The following SGCZ variants were observed in gnomAD, a reference collection of about 807,000 sequenced individuals.
The protein encoded by SGCZ is sarcoglycan zeta.
SGCZ carries 40 observed loss-of-function variants against 41.3 expected under a neutral mutation model. That is an observed-to-expected ratio of 0.97 (90% confidence interval 0.75 to 1.26). The LOEUF (loss-of-function observed/expected upper bound fraction) is 1.26. Ranked by LOEUF, SGCZ falls within the 50% of genes most tolerant of loss-of-function variation. The pLI, the probability that SGCZ is intolerant of heterozygous loss-of-function variation, is 0.00. For missense variants in SGCZ, 552 were observed against 369.8 expected, an observed-to-expected ratio of 1.49 and a Z score of -4.04; for synonymous variants, 206 against 137.5, an observed-to-expected ratio of 1.50 and a Z score of -3.49.
intron 2 of SGCZ, among the ~76,000 whole-genome samples, chr8:14,528,484 A>T (rs1414640834): frequency 6.6e-6 from 1 of 152,098 alleles, no homozygotes; most frequent in Non-Finnish European, 1.5e-5. Flanking sequence ...TACCAAATAA[A>T]TGCCATAAAA....
chr8:14,337,551 T>A (rs913149269), intron 2 of SGCZ, among the ~76,000 whole-genome samples: 45 of 152,166 alleles, frequency 3.0e-4, no homozygotes, highest in African/African-American at 1.1e-3. Context: ...GGAAAAGTGA[T>A]GACCCAGTTA....
At chr8:14,146,955 GA>G (rs75899034) in intron 5 of SGCZ, among the ~76,000 whole-genome samples, 48,396 of 146,332 alleles carry the variant, frequency 0.33, 10,154 homozygotes, top group Non-Finnish European at 0.47. Context: ...GGAATAAACA[GA>G]AAAAAAAAAC....
intron 1 of SGCZ, among the ~76,000 whole-genome samples, chr8:14,666,510 G>C (rs150646175): frequency 6.6e-6 from 1 of 152,076 alleles, no homozygotes; most frequent in Non-Finnish European, 1.5e-5. Context: ...GCCTGTAAAA[G>C]CAAATCACAA....
intron 3 of SGCZ, among the ~76,000 whole-genome samples, chr8:14,260,784 C>T (rs1799634948): frequency 6.6e-6 from 1 of 152,152 alleles, no homozygotes; most frequent in Non-Finnish European, 1.5e-5. Flanking sequence ...ATGATGAGTT[C>T]ATGTCCTTTG....
intron 1 of SGCZ, among the ~76,000 whole-genome samples, chr8:14,876,908 G>A (rs1804377947): frequency 6.6e-6 from 1 of 152,094 alleles, no homozygotes; most frequent in Admixed American, 6.6e-5. Flanking sequence ...TAAGCAAAGA[G>A]CATTGGAGAG....
chr8:14,938,936 G>C (rs1033309306), intron 1 of SGCZ, among the ~76,000 whole-genome samples: 2 of 152,110 alleles, frequency 1.3e-5, no homozygotes, highest in Non-Finnish European at 2.9e-5. Context: ...AAAGGGCTAA[G>C]GGTACTGCAT....
At chr8:14,987,114 T>C (rs1025712324) in intron 1 of SGCZ, among the ~76,000 whole-genome samples, 1 of 151,920 alleles carries the variant, frequency 6.6e-6, no homozygotes, top group Admixed American at 6.6e-5. Context: ...GAAACATTAT[T>C]TAAAATTACT....
intron 1 of SGCZ, among the ~76,000 whole-genome samples, chr8:14,717,495 G>C (rs1216199441): frequency 6.6e-6 from 1 of 152,066 alleles, no homozygotes; most frequent in Non-Finnish European, 1.5e-5. Context: ...CAGTCTGGAA[G>C]GTACTGGTAA....
chr8:14,680,025 C>T (rs2117536897), intron 1 of SGCZ, among the ~76,000 whole-genome samples: 1 of 152,130 alleles, frequency 6.6e-6, no homozygotes. Context: ...TAGGCTATAC[C>T]AGCTAGGTTT....
At chr8:14,130,631 TG>T (rs1340001738) in intron 5 of SGCZ, among the ~76,000 whole-genome samples, 1 of 152,142 alleles carries the variant, frequency 6.6e-6, no homozygotes, top group East Asian at 1.9e-4. Flanking sequence ...AGAGAGTCCT[TG>T]GTGGGATTTC....
intron 1 of SGCZ, among the ~76,000 whole-genome samples, chr8:14,748,444 G>A (rs1345281396): frequency 1.3e-5 from 2 of 152,072 alleles, no homozygotes; most frequent in Non-Finnish European, 2.9e-5. Flanking sequence ...CAAAATCTTC[G>A]AATGTCAGAG....
chr8:14,952,976 G>T (rs183090074), intron 1 of SGCZ, among the ~76,000 whole-genome samples: 1 of 152,046 alleles, frequency 6.6e-6, no homozygotes, highest in Non-Finnish European at 1.5e-5. Context: ...ATCTCGGGTG[G>T]GTTGGTGGAT....
intron 3 of SGCZ, among the ~76,000 whole-genome samples, chr8:14,244,903 T>A (rs9325696): frequency 3.3e-5 from 5 of 151,730 alleles, no homozygotes; most frequent in South Asian, 4.2e-4. Context: ...TTGTCTGTTA[T>A]TGGTGTATAA....
intron 2 of SGCZ, among the ~76,000 whole-genome samples, chr8:14,370,605 T>A (rs1240336767): frequency 6.6e-6 from 1 of 151,924 alleles, no homozygotes; most frequent in African/African-American, 2.4e-5. Context: ...TTTCTATTTA[T>A]ATTCATATAT....
intron 5 of SGCZ, among the ~76,000 whole-genome samples, chr8:14,114,501 G>A (rs1038752675): frequency 5.9e-5 from 9 of 151,986 alleles, no homozygotes; most frequent in African/African-American, 1.7e-4. Context: ...AAAAGAAATT[G>A]TTTCAAAATC....
At position 14,112,094 on chromosome 8, in the gene SGCZ, A is replaced by C. The variant is rs374214424; in HGVS notation, c.548-3859T>G. On this transcript the variant is annotated intron_variant, in intron 5 of 7. Transcript: ENST00000382080. ...AGGTAGCACAAGAAAAGGAAACCCA[A>C]GAAGCACCAGAGAGAAAGCAAACAA... Among the ~76,000 whole-genome samples, 3 of 152,306 alleles carry C rather than the reference A, an allele frequency of 2.0e-5. No homozygotes were observed. In the South Asian group the frequency reaches 6.2e-4, roughly 32 times the overall value.
At chr8:14,601,327 G>A (rs918275268) in intron 1 of SGCZ, among the ~76,000 whole-genome samples, 1 of 151,974 alleles carries the variant, frequency 6.6e-6, no homozygotes, top group Non-Finnish European at 1.5e-5. Flanking sequence ...AGTTTCTTCT[G>A]TACATAAATA....
chr8:14,478,447 T>C lies in SGCZ; in HGVS notation c.234+76285A>G, dbSNP rs1801425523. ...GCCAATCAGAAAATGCTACATACTG[T>C]ATGATTCCAACTACATGACATTCCA... On this transcript the variant is annotated intron_variant, in intron 2 of 7. Coordinates refer to ENST00000382080, the MANE Select transcript of SGCZ (RefSeq NM_139167.4). Among the ~76,000 whole-genome samples the C allele has an allele frequency of 2.6e-5, 4 of 152,266 alleles. No individual in the cohort carries two copies. The South Asian group carries it at 8.3e-4, about 32-fold the overall frequency.
chr8:15,086,359 C>A (rs964222010), intron 1 of SGCZ, among the ~76,000 whole-genome samples: 3 of 152,138 alleles, frequency 2.0e-5, no homozygotes, highest in Non-Finnish European at 4.4e-5. Flanking sequence ...ATACCTTATT[C>A]CAATCAGCTC....
Sources: gnomAD v4.1 joint callset for allele counts (sites outside exome capture counted in the v4.1 genomes callset) on GRCh38, gnomAD v4.1.1 for gene constraint, MANE v1.5 for transcripts, NCBI Gene and HGNC (gene_info 2026-07-23, HGNC 2026-07-21) for gene names.